The following MYRIP variants were observed in gnomAD, a reference collection of about 807,000 sequenced individuals.
The protein encoded by MYRIP is rab effector MyRIP.
In MYRIP, 49 loss-of-function variants were observed where a neutral mutation model predicts 98.0. The ratio of observed to expected loss-of-function variants is 0.50; its 90% confidence interval spans 0.40 to 0.63. The LOEUF (loss-of-function observed/expected upper bound fraction) is 0.63. Ranked by LOEUF, MYRIP falls within the 30% of genes least tolerant of loss-of-function variation. The pLI, the probability that MYRIP is intolerant of heterozygous loss-of-function variation, is 0.00. For synonymous variants in MYRIP, 404 were observed against 409.5 expected (o/e 0.99, Z 0.16); for missense variants, 1,004 against 1,058.2 (o/e 0.95, Z 0.71).
intron 3 of MYRIP, among the ~76,000 whole-genome samples, chr3:40,119,021 A>G (rs1376978731): frequency 6.6e-6 from 1 of 152,172 alleles, no homozygotes; most frequent in Non-Finnish European, 1.5e-5. Context: ...GCTATTATGA[A>G]TAATGCCGCA....
At chr3:40,159,401 G>T (rs1409376660) in intron 4 of MYRIP, among the ~76,000 whole-genome samples, 2 of 152,172 alleles carry the variant, frequency 1.3e-5, no homozygotes, top group African/African-American at 4.8e-5. Flanking sequence ...AGGGTAACTG[G>T]ACCTTTCTCT....
chr3:40,035,154 C>T (rs1947350454), intron 2 of MYRIP, among the ~76,000 whole-genome samples: 1 of 150,954 alleles, frequency 6.6e-6, no homozygotes, highest in Admixed American at 6.6e-5. Flanking sequence ...AGCACACCAG[C>T]ATGGCACATG....
At chr3:40,019,714 T>C (rs1167818532) in intron 2 of MYRIP, among the ~76,000 whole-genome samples, 1 of 147,624 alleles carries the variant, frequency 6.8e-6, no homozygotes, top group Non-Finnish European at 1.5e-5. Flanking sequence ...AACAATTCAA[T>C]CCCCCCCCCG....
At chr3:40,159,993 G>C (rs9852503) in intron 4 of MYRIP, among the ~76,000 whole-genome samples, 116,134 of 152,102 alleles carry the variant, frequency 0.76, 44,580 homozygotes, top group Admixed American at 0.83. Context: ...CTTCTCTCAG[G>C]TCGTCAAAGT....
At chr3:39,898,642 CA>C (rs1462611257) in intron 1 of MYRIP, among the ~76,000 whole-genome samples, 1 of 152,082 alleles carries the variant, frequency 6.6e-6, no homozygotes, top group African/African-American at 2.4e-5. Context: ...TTGTCTTAGA[CA>C]TAATATATAT....
intron 2 of MYRIP, among the ~76,000 whole-genome samples, chr3:40,003,540 C>T (rs1946567669): frequency 6.6e-6 from 1 of 152,098 alleles, no homozygotes; most frequent in African/African-American, 2.4e-5. Flanking sequence ...AAAGGGCATA[C>T]CTATAATGAC....
At chr3:40,126,593 A>G (rs961643752) in intron 3 of MYRIP, among the ~76,000 whole-genome samples, 1 of 152,222 alleles carries the variant, frequency 6.6e-6, no homozygotes, top group African/African-American at 2.4e-5. Flanking sequence ...TGAAATATTT[A>G]TTCTCGTCAT....
chr3:39,917,927 CTTTT>C (rs36057099), intron 2 of MYRIP, among the ~76,000 whole-genome samples: 1 of 146,066 alleles, frequency 6.8e-6, no homozygotes, highest in Non-Finnish European at 1.5e-5. Context: ...GACTTCCATT[CTTTT>C]TTTTTTTTTG....
intron 3 of MYRIP, among the ~76,000 whole-genome samples, chr3:40,130,439 G>A (rs867695605): frequency 6.4e-4 from 95 of 149,518 alleles, no homozygotes; most frequent in African/African-American, 2.2e-3. Flanking sequence ...GTGCAGTGGC[G>A]CAATCTCGGC....
chr3:40,211,676 T>C (rs1195725255), intron 11 of MYRIP, among the ~76,000 whole-genome samples: 1 of 152,186 alleles, frequency 6.6e-6, no homozygotes, highest in Non-Finnish European at 1.5e-5. Context: ...AATATCACAT[T>C]CTTTCTTACA....
intron 2 of MYRIP, among the ~76,000 whole-genome samples, chr3:39,914,823 A>G (rs1947627): frequency 0.092 from 13,961 of 152,050 alleles, 1,638 homozygotes; most frequent in African/African-American, 0.27. Flanking sequence ...TTTCTAAAAC[A>G]TTTCTCCAGC....
At chr3:40,257,518 A>G (rs1328790939) in intron 16 of MYRIP, among the ~76,000 whole-genome samples, 7 of 152,246 alleles carry the variant, frequency 4.6e-5, no homozygotes, top group East Asian at 3.8e-4. Flanking sequence ...ATAATGGAAC[A>G]CTAGGCATAA....
chr3:40,136,867 G>A (rs1368643984), intron 3 of MYRIP, among the ~76,000 whole-genome samples: 2 of 151,894 alleles, frequency 1.3e-5, no homozygotes, highest in Admixed American at 6.6e-5. Context: ...CAGAATCTCT[G>A]GGACACATTC....
chr3:39,963,961 C>T (rs925601658), intron 2 of MYRIP, among the ~76,000 whole-genome samples: 15 of 152,024 alleles, frequency 9.9e-5, no homozygotes, highest in African/African-American at 3.6e-4. Flanking sequence ...TTTTAAAACT[C>T]AGTATTAAAA....
chr3:39,911,762 T>G (rs1045923103), intron 2 of MYRIP, among the ~76,000 whole-genome samples: 29 of 152,206 alleles, frequency 1.9e-4, no homozygotes, highest in African/African-American at 2.9e-4. Flanking sequence ...AGTTTCTTCC[T>G]CTCTCTGTGC....
intron 2 of MYRIP, among the ~76,000 whole-genome samples, chr3:39,917,500 C>T (rs1192430452): frequency 1.3e-5 from 2 of 149,128 alleles, no homozygotes; most frequent in African/African-American, 4.9e-5. Context: ...TTGAAACTTC[C>T]AAAACACTTT....
At chr3:39,840,832 T>C (rs934901043) in intron 1 of MYRIP, among the ~76,000 whole-genome samples, 2 of 152,236 alleles carry the variant, frequency 1.3e-5, no homozygotes, top group Non-Finnish European at 1.5e-5. Flanking sequence ...AGAGATCTGC[T>C]GTTAGTCTGA....
At chr3:39,827,464 ATT>A (rs1011427462) in intron 1 of MYRIP, among the ~76,000 whole-genome samples, 1 of 152,198 alleles carries the variant, frequency 6.6e-6, no homozygotes, top group Non-Finnish European at 1.5e-5. Context: ...TAATTGAGGA[ATT>A]TAATCTGTTT....
intron 2 of MYRIP, among the ~76,000 whole-genome samples, chr3:39,919,075 A>G (rs1307350486): frequency 6.6e-6 from 1 of 152,226 alleles, no homozygotes; most frequent in African/African-American, 2.4e-5. Flanking sequence ...CCTTCTGAAA[A>G]GCAATCTCTA....
Sources: gnomAD v4.1 joint callset for allele counts (sites outside exome capture counted in the v4.1 genomes callset) on GRCh38, gnomAD v4.1.1 for gene constraint, MANE v1.5 for transcripts, NCBI Gene and HGNC (gene_info 2026-07-23, HGNC 2026-07-21) for gene names.